The following SOX5 variants were observed in gnomAD, a reference collection of about 807,000 sequenced individuals.
The protein encoded by SOX5 is transcription factor SOX-5.
In SOX5, 9 loss-of-function variants were observed where a neutral mutation model predicts 92.0. The observed-to-expected ratio is 0.10, with a 90% CI of 0.06 to 0.17. The LOEUF (loss-of-function observed/expected upper bound fraction) is 0.17, where lower values mean the gene tolerates loss of function less well. Ranked by LOEUF, SOX5 falls within the 10% of genes least tolerant of loss-of-function variation. The pLI, the probability that SOX5 is intolerant of heterozygous loss-of-function variation, is 1.00. For missense variants in SOX5, 642 were observed against 944.5 expected, an observed-to-expected ratio of 0.68 and a Z score of 4.20; for synonymous variants, 344 against 336.3, an observed-to-expected ratio of 1.02 and a Z score of -0.25.
At chr12:24,338,960 C>T (rs556816058) in intron 2 of SOX5, among the ~76,000 whole-genome samples, 57 of 152,220 alleles carry the variant, frequency 3.7e-4, no homozygotes, top group Non-Finnish European at 6.5e-4. Context: ...TGGACTAACA[C>T]AGGTTGATTA....
intron 3 of SOX5, among the ~76,000 whole-genome samples, chr12:23,777,225 A>G (rs2095131905): frequency 6.6e-6 from 1 of 152,234 alleles, no homozygotes; most frequent in Non-Finnish European, 1.5e-5. Context: ...AGCAAAGACC[A>G]TGATTTGGAT....
intron 1 of SOX5, among the ~76,000 whole-genome samples, chr12:24,408,098 A>G (rs2136735907): frequency 6.6e-6 from 1 of 152,298 alleles, no homozygotes; most frequent in South Asian, 2.1e-4. Context: ...TGGCAAGTAC[A>G]AAGGCCTTGT....
chr12:23,543,342 C>G lies in SOX5; in HGVS notation c.1640G>C (p.Arg547Pro). 6.2e-7 allele frequency: 1 copy of G among 1,613,910 alleles called. No individual in the cohort carries two copies. ...VSESRIYRES[R>P]GRGSNEPHIK... ...GTGGGGTTCATTGCTACCACGCCCT[C>G]GGGATTCCCTATAAATTCTTGACTC... Residue 547 changes from arginine to proline, a missense_variant, in exon 13 of 15, where the codon CGA becomes CCA. Arg to Pro is a moderately radical substitution (Grantham distance 103, BLOSUM62 -2). Around this residue, in one of 8 missense-constraint regions of SOX5, gnomAD observed 24 missense variants for 84.4 expected, o/e 0.28. Coordinates refer to ENST00000451604, the MANE Select transcript of SOX5 (RefSeq NM_006940.6).
At chr12:23,848,706 G>C (rs1233099195) in intron 2 of SOX5, among the ~76,000 whole-genome samples, 1 of 152,154 alleles carries the variant, frequency 6.6e-6, no homozygotes, top group South Asian at 2.1e-4. Context: ...TTGCTGGCAG[G>C]TGAAATCAAG....
chr12:24,277,183 T>C (rs1443215476), intron 3 of SOX5: 1 of 151,816 alleles, frequency 6.6e-6, no homozygotes, highest in African/African-American at 2.4e-5. Context: ...TATCAATTTT[T>C]CAAAAGTGTT....
chr12:24,078,017 G>C (rs897718222), intron 4 of SOX5, among the ~76,000 whole-genome samples: 14 of 151,524 alleles, frequency 9.2e-5, no homozygotes, highest in Non-Finnish European at 1.9e-4. Context: ...CATATTATTA[G>C]AATTTATATT....
chr12:23,956,398 T>C (rs1946285348), intron 4 of SOX5, among the ~76,000 whole-genome samples: 1 of 152,134 alleles, frequency 6.6e-6, no homozygotes, highest in African/African-American at 2.4e-5. Context: ...GAGCTCTGCC[T>C]CCTGTCAGAT....
At chr12:23,956,425 T>C (rs1946287604) in intron 4 of SOX5, among the ~76,000 whole-genome samples, 1 of 152,082 alleles carries the variant, frequency 6.6e-6, no homozygotes, top group African/African-American at 2.4e-5. Flanking sequence ...CAGCATTAGA[T>C]TATCATAGGA....
At chr12:24,242,788 T>C (rs1051467136) in intron 3 of SOX5, among the ~76,000 whole-genome samples, 9 of 152,172 alleles carry the variant, frequency 5.9e-5, no homozygotes, top group African/African-American at 1.9e-4. Context: ...GTACACTTTC[T>C]GAGGGCAATT....
At chr12:24,414,434 G>C (rs1964661737) in intron 1 of SOX5, among the ~76,000 whole-genome samples, 1 of 152,226 alleles carries the variant, frequency 6.6e-6, no homozygotes, top group Admixed American at 6.5e-5. Flanking sequence ...GAAAAAGTTG[G>C]TTCACAGGCT....
intron 4 of SOX5, among the ~76,000 whole-genome samples, chr12:24,162,073 G>A (rs758892988): frequency 3.9e-5 from 6 of 151,928 alleles, no homozygotes; most frequent in Non-Finnish European, 7.4e-5. Context: ...GAAAGAGATC[G>A]GTAAAAGAGA....
intron 1 of SOX5, among the ~76,000 whole-genome samples, chr12:24,474,275 G>A (rs1945116290): frequency 6.6e-6 from 1 of 152,126 alleles, no homozygotes; most frequent in Non-Finnish European, 1.5e-5. Context: ...AGGTTTCTCA[G>A]ACAAAACCCC....
At chr12:23,885,505 CT>C (rs1408261741) in intron 2 of SOX5, among the ~76,000 whole-genome samples, 1 of 152,134 alleles carries the variant, frequency 6.6e-6, no homozygotes, top group African/African-American at 2.4e-5. Flanking sequence ...AACACTGCTC[CT>C]CTATATAATG....
At chr12:23,595,512 G>A (rs1952246652) in intron 9 of SOX5, among the ~76,000 whole-genome samples, 1 of 149,864 alleles carries the variant, frequency 6.7e-6, no homozygotes, top group Non-Finnish European at 1.5e-5. Context: ...CCAGCTACTT[G>A]AGAGGCTGAG....
At chr12:24,204,977 A>G (rs1050739319) in intron 4 of SOX5, among the ~76,000 whole-genome samples, 6 of 152,330 alleles carry the variant, frequency 3.9e-5, no homozygotes, top group South Asian at 2.1e-4. Context: ...AGGAGCTGGG[A>G]AAAAAATCAC....
At position 24,068,739 on chromosome 12, in the gene SOX5, TATATATATACACAC is replaced by T. The variant is rs1171988102; in HGVS notation, c.-2+144590_-2+144603del. On this transcript the variant is annotated intron_variant, in intron 4 of 4. Transcript: ENST00000446891. ...ATATATATATATATATATATATATA[TATATATATACACAC>T]ACACACATTAGTTCCTAGTTTATAT... Among the ~76,000 whole-genome samples the T allele has an allele frequency of 1.4e-3, 115 of 79,494 alleles. 2 individuals are homozygous for T. Among genetic ancestry groups the T allele is most frequent in the Middle Eastern group, 0.014 (2 of 140 alleles). The allele number at this position is 79,494 out of a possible 152,430, so 52.2% of individuals were successfully genotyped here. A position where few individuals can be genotyped will look rare whatever the true frequency, so the allele number is the denominator to read the frequency against.
intron 4 of SOX5, among the ~76,000 whole-genome samples, chr12:24,148,973 C>T (rs1951390863): frequency 6.6e-6 from 1 of 152,056 alleles, no homozygotes; most frequent in Non-Finnish European, 1.5e-5. Context: ...AAAACAAACT[C>T]AGTGGATAAA....
Position 23,531,708 on chromosome 12 carries a change from A to G in SOX5, c.*2511T>C, listed in dbSNP as rs1446474207. The G allele has an allele frequency of 6.6e-6, 1 of 152,266 alleles. No individual in the cohort carries two copies. The highest frequency in any genetic ancestry group is 6.5e-5 in the Admixed American group (1 of 15,298). 9.4% of individuals were successfully genotyped at this position (152,266 alleles called of 1,614,324 possible). ...AACAAAACAAACAAAAACAAAAAAA[A>G]ATTGGCTCTAGATGACTGTGGCAAT... On this transcript the variant is annotated 3_prime_UTR_variant, in exon 15 of 15. Transcript: ENST00000451604.
chr12:23,890,942 CGAA>C (rs760845902), intron 2 of SOX5, among the ~76,000 whole-genome samples: 2 of 152,084 alleles, frequency 1.3e-5, no homozygotes, highest in Non-Finnish European at 2.9e-5. Context: ...TTCAACTGTG[CGAA>C]GATTATATGA....
Sources: gnomAD v4.1 joint callset for allele counts (sites outside exome capture counted in the v4.1 genomes callset) on GRCh38, gnomAD v4.1.1 for gene constraint, gnomAD v4.1.1 regional missense constraint, MANE v1.5 for transcripts, NCBI Gene and HGNC (gene_info 2026-07-23, HGNC 2026-07-21) for gene names.